The following LAMA2 variants were observed in gnomAD, a reference collection of about 807,000 sequenced individuals.
The protein encoded by LAMA2 is laminin subunit alpha-2.
In LAMA2, 269 loss-of-function variants were observed where a neutral mutation model predicts 364.8. The observed-to-expected ratio is 0.74, with a 90% CI of 0.67 to 0.82. The LOEUF is 0.82. Among genes scored for constraint, LAMA2 ranks in the 40% least tolerant of loss-of-function variants. LAMA2 has a pLI of 0.00. For synonymous variants in LAMA2, 1,379 were observed against 1,370.6 expected, an observed-to-expected ratio of 1.01 and a Z score of -0.14; for missense variants, 3,807 against 3,873.2, an observed-to-expected ratio of 0.98 and a Z score of 0.45.
intron 29 of LAMA2, among the ~76,000 whole-genome samples, chr6:129,339,077 T>C (rs2451679): frequency 2.0e-5 from 3 of 148,640 alleles, no homozygotes; most frequent in Non-Finnish European, 4.5e-5. Context: ...CAAGAGAAGG[T>C]CATGGTTTGA....
At position 129,114,640 on chromosome 6, in the gene LAMA2, CT is replaced by C. The variant is rs1398666114; in HGVS notation, c.639+16229del. Reference sequence around the variant, plus strand: ...TATGTGCAGACATTTAACATAAAATCTTTTCCCAATGTCTTTCTTAGATGAT... The same window carrying C: ...TATGTGCAGACATTTAACATAAAATCTTTCCCAATGTCTTTCTTAGATGAT... On this transcript the variant is annotated intron_variant, in intron 4 of 64. Coordinates refer to ENST00000421865, the MANE Select transcript of LAMA2 (RefSeq NM_000426.4). Among the ~76,000 whole-genome samples, 3 of 151,794 alleles carry C rather than the reference CT, an allele frequency of 2.0e-5. No homozygotes were observed. The South Asian group carries it at 6.2e-4, about 31-fold the overall frequency.
intron 3 of LAMA2, among the ~76,000 whole-genome samples, chr6:129,066,985 G>T (rs1789405398): frequency 6.6e-6 from 1 of 152,186 alleles, no homozygotes; most frequent in African/African-American, 2.4e-5. Context: ...CAGGGGAAAA[G>T]TTCCATGACA....
In LAMA2 at chr6:128,892,214, C is replaced by T. The variant is rs1261859978; in HGVS notation, c.112+8857C>T. 1.3e-5 allele frequency among the ~76,000 whole-genome samples: 2 copies of T among 151,958 alleles called. 1 individual carries two copies. Among genetic ancestry groups the T allele is most frequent in the East Asian group, 3.9e-4 (2 of 5,190 alleles). On this transcript the variant is annotated intron_variant, in intron 1 of 64. Transcript: ENST00000421865. ...AGACTATAGATGGCAAACTATTTAT[C>T]TCATTGCCAAGAGATTGAATAATTC...
chr6:128,888,041 T>A (rs1776241702), intron 1 of LAMA2, among the ~76,000 whole-genome samples: 1 of 152,178 alleles, frequency 6.6e-6, no homozygotes, highest in Admixed American at 6.5e-5. Context: ...ACTTCTAATC[T>A]AGAAGATTCG....
intron 1 of LAMA2, among the ~76,000 whole-genome samples, chr6:128,958,698 A>G (rs1203193995): frequency 6.6e-6 from 1 of 152,204 alleles, no homozygotes; most frequent in Non-Finnish European, 1.5e-5. Flanking sequence ...GAGATTAAAT[A>G]TATTTTCACT....
At chr6:129,209,537 T>C (rs1782943652) in intron 12 of LAMA2, among the ~76,000 whole-genome samples, 1 of 152,196 alleles carries the variant, frequency 6.6e-6, no homozygotes. Context: ...GGTTTGACTC[T>C]GCATCCCTGA....
intron 1 of LAMA2, among the ~76,000 whole-genome samples, chr6:128,954,472 TAA>T (rs777365621): frequency 6.6e-6 from 1 of 151,894 alleles, no homozygotes; most frequent in African/African-American, 2.4e-5. Flanking sequence ...TATAGCTCTT[TAA>T]AAAAAATACC....
At chr6:129,035,367 T>C (rs867372825) in intron 1 of LAMA2, among the ~76,000 whole-genome samples, 6 of 151,548 alleles carry the variant, frequency 4.0e-5, no homozygotes, top group African/African-American at 1.4e-4. Context: ...TATTTGTTTT[T>C]TTCTTGTTGA....
intron 53 of LAMA2, among the ~76,000 whole-genome samples, chr6:129,476,149 C>T (rs913446497): frequency 6.6e-6 from 1 of 152,116 alleles, no homozygotes. Flanking sequence ...GGGCTGGTAT[C>T]CTCTGGCTAG....
At chr6:128,886,678 T>C (rs1303531967) in intron 1 of LAMA2, among the ~76,000 whole-genome samples, 2 of 152,188 alleles carry the variant, frequency 1.3e-5, no homozygotes, top group Admixed American at 6.5e-5. Flanking sequence ...AGAGTCGTTA[T>C]GTTAAAGAGG....
intron 12 of LAMA2, among the ~76,000 whole-genome samples, chr6:129,226,112 C>G (rs955297741): frequency 2.6e-5 from 4 of 152,194 alleles, no homozygotes; most frequent in East Asian, 1.9e-4. Context: ...CTCTTTTGAT[C>G]TTTGTTGGTT....
At chr6:128,921,704 T>TA (rs1562831889) in intron 1 of LAMA2, among the ~76,000 whole-genome samples, 286 of 145,052 alleles carry the variant, frequency 2.0e-3, no homozygotes, top group African/African-American at 7.0e-3. Context: ...TCTGTTTTTT[T>TA]TTTTTTTTTA....
chr6:129,446,196 T>C (rs919851098), intron 45 of LAMA2, among the ~76,000 whole-genome samples: 4 of 151,522 alleles, frequency 2.6e-5, no homozygotes, highest in African/African-American at 7.3e-5. Flanking sequence ...GGCCAACTAA[T>C]GGGGTTATGG....
chr6:129,499,231 G>A (rs975781136), intron 58 of LAMA2, among the ~76,000 whole-genome samples: 1 of 151,976 alleles, frequency 6.6e-6, no homozygotes. Flanking sequence ...ATTGTAACAC[G>A]TTGAGATTGA....
At chr6:129,377,700 G>T (rs779253351) in intron 34 of LAMA2, among the ~76,000 whole-genome samples, 3 of 152,146 alleles carry the variant, frequency 2.0e-5, no homozygotes, top group Admixed American at 1.3e-4. Context: ...AAGGTAGACA[G>T]TATCTAAGCA....
At chr6:129,053,398 T>C (rs1788231457) in intron 2 of LAMA2, among the ~76,000 whole-genome samples, 1 of 152,306 alleles carries the variant, frequency 6.6e-6, no homozygotes, top group East Asian at 1.9e-4. Flanking sequence ...TAAGTTGTTA[T>C]GGTATGTGTG....
At chr6:129,346,975 A>T (rs1228295280) in intron 30 of LAMA2, among the ~76,000 whole-genome samples, 1 of 152,136 alleles carries the variant, frequency 6.6e-6, no homozygotes, top group Non-Finnish European at 1.5e-5. Context: ...AAGTCACTGC[A>T]CTGGCCCTGA....
intron 4 of LAMA2, among the ~76,000 whole-genome samples, chr6:129,108,638 TTTCCCTTCAATACTAAATCCCAAAA>T (rs1775970037): frequency 6.6e-6 from 1 of 152,084 alleles, no homozygotes; most frequent in Admixed American, 6.6e-5. Flanking sequence ...GAACTTACAT[TTTCCCTTCAATACTAAATCCCAAAA>T]GCTAATAGCA....
chr6:128,914,965 A>G (rs1310025731), intron 1 of LAMA2, among the ~76,000 whole-genome samples: 4 of 152,164 alleles, frequency 2.6e-5, no homozygotes, highest in Admixed American at 2.0e-4. Flanking sequence ...AATGCTTTAT[A>G]CTTCATGTAT....
Sources: allele counts gnomAD v4.1 joint callset (sites outside exome capture counted in the v4.1 genomes callset), GRCh38; gene constraint gnomAD v4.1.1; transcripts MANE v1.5; gene names NCBI Gene and HGNC (gene_info 2026-07-23, HGNC 2026-07-21).